The following PRICKLE4 variants were observed in gnomAD, a reference collection of about 807,000 sequenced individuals.
PRICKLE4 encodes prickle planar cell polarity protein 4.
A neutral mutation model predicts 43.5 loss-of-function variants in PRICKLE4; 40 were observed. The ratio of observed to expected loss-of-function variants is 0.92; its 90% CI spans 0.71 to 1.20. PRICKLE4 has a LOEUF of 1.20. Ranked by LOEUF, PRICKLE4 falls within the 50% of genes most tolerant of loss-of-function variation. PRICKLE4 has a pLI of 0.00. For missense variants in PRICKLE4, 527 were observed against 491.2 expected (o/e 1.07, Z -0.69); for synonymous variants, 208 against 197.4 (o/e 1.05, Z -0.45).
rs865927966 is a variant in PRICKLE4, at chr6:41,786,764, G to T, written c.790G>T (p.Glu264Ter). Residue 264 changes from glutamate (E) to a stop codon, truncating the protein, a stop_gained and splice_region_variant, in exon 8 of 8, where the codon GAG becomes TAG. Coordinates refer to ENST00000458694, the MANE Select transcript of PRICKLE4 (RefSeq NM_013397.6). LOFTEE classifies it high-confidence loss of function. ...GTTTCCGACCCGGCCCGGAACAGGG[G>T]AGACTGGACTCGACCGAACTGAAGG... ...GALEGQAFLG[E>*]TGLDRTEGRD... 2 of 1,613,104 alleles carry T rather than the reference G, an allele frequency of 1.2e-6. No homozygotes were observed. The highest frequency in any genetic ancestry group is 8.5e-7 in the Non-Finnish European group (1 of 1,179,876).
intron 6 of PRICKLE4, among the ~76,000 whole-genome samples, chr6:41,785,867 C>T (rs760885071): frequency 3.3e-5 from 5 of 152,154 alleles, no homozygotes; most frequent in Non-Finnish European, 7.4e-5. Context: ...TAGAAATTCC[C>T]TTGATGTCAG....
At chr6:41,786,105 C>G in intron 6 of PRICKLE4, 23 bp from the exon 7 acceptor site, 1 of 1,599,396 alleles carries the variant, frequency 6.3e-7, no homozygotes, top group Non-Finnish European at 8.6e-7. Context: ...TGAAACGTTC[C>G]CCTCTCCCTC....
chr6:41,785,237 G>A, intron 5 of PRICKLE4, 100 bp from the exon 6 acceptor site: 1 of 1,507,314 alleles, frequency 6.6e-7, no homozygotes, highest in South Asian at 1.2e-5. Flanking sequence ...GGGCTTGCTA[G>A]GGTATGGCGA....
At chr6:41,786,735 C>G in intron 7 of PRICKLE4, 27 bp from the exon 8 acceptor site, 1 of 1,612,576 alleles carries the variant, frequency 6.2e-7, no homozygotes, top group Middle Eastern at 1.6e-4. Context: ...GCTCTGAGAC[C>G]AGCGTTTCCG....
intron 6 of PRICKLE4, 88 bp from the exon 7 acceptor site, chr6:41,786,040 C>A: frequency 7.3e-7 from 1 of 1,379,098 alleles, no homozygotes; most frequent in Non-Finnish European, 1.0e-6. Flanking sequence ...CGTGCTTTAG[C>A]GTTAACTGGG....
intron 6 of PRICKLE4, 28 bp from the exon 7 acceptor site, chr6:41,786,100 C>G: frequency 6.3e-7 from 1 of 1,594,370 alleles, no homozygotes; most frequent in Non-Finnish European, 8.6e-7. Context: ...ATGAATGAAA[C>G]GTTCCCCTCT....
At position 41,786,222 on chromosome 6, in the gene PRICKLE4, G is replaced by T. The variant is rs1367378531; in HGVS notation, c.677G>T (p.Gly226Val). 1.2e-6 allele frequency: 2 copies of T among 1,607,016 alleles called. No homozygotes were observed. The highest frequency in any genetic ancestry group is 1.3e-5 in the African/African-American group (1 of 74,834). Residue 226 changes from glycine (G) to valine (V), a missense_variant, in exon 7 of 8, where the codon GGA becomes GTA. Physicochemically the swap from Gly to Val is moderately radical, Grantham distance 109. Transcript: ENST00000458694. ...GACTGCGCCGGGCCTCTGGGCGGGG[G>T]ACGTTATGCCCTGCCTGGGGGAAGC... ...CQDCAGPLGG[G>V]RYALPGGSPC...
intron 5 of PRICKLE4, 67 bp downstream of exon 5, chr6:41,785,139 G>A: frequency 1.3e-6 from 2 of 1,592,368 alleles, no homozygotes; most frequent in Non-Finnish European, 1.7e-6. Context: ...CTGCAGAAGG[G>A]GCTGGGCTAG....
intron 5 of PRICKLE4, 106 bp from the exon 6 acceptor site, chr6:41,785,231 T>C (rs1443723436): frequency 6.6e-7 from 1 of 1,505,188 alleles, no homozygotes; most frequent in Non-Finnish European, 9.1e-7. Flanking sequence ...GGATGTGGGC[T>C]TGCTAGGGTA....
rs1297473460 is a variant in PRICKLE4, at chr6:41,784,171, C to T, written c.173C>T (p.Thr58Ile). The change falls in exon 4 of 8, where the codon ACC becomes ATC. Residue 58 changes from threonine to isoleucine, a missense_variant. By Grantham distance (89) the Thr-to-Ile change is moderately conservative (BLOSUM62 -1). Coordinates refer to ENST00000458694, the MANE Select transcript of PRICKLE4 (RefSeq NM_013397.6). Reference protein sequence around the residue: ...VLSLGSLCLDTNQAPNWTGLQ... With the variant: ...VLSLGSLCLDINQAPNWTGLQ... ...AGCTTGGGTTCCCTTTGCCTGGACA[C>T]CAACCAAGCCCCCAACTGGACTGGA... 6.8e-6 allele frequency: 11 copies of T among 1,614,186 alleles called. No homozygotes were observed. Among genetic ancestry groups the T allele is most frequent in the Non-Finnish European group, 9.3e-6 (11 of 1,180,022 alleles).
rs1009699296 is a variant in PRICKLE4 at position 41,787,084 on chromosome 6, A to G, written c.1110A>G (p.Gln370=). ...CCTGGAAGACCCCCGGAAGCCTCCA[A>G]GCAGAGGACAGCAACGCCTCTAAGA... ...PQSWKTPGSL[Q]AEDSNASKTH... The change falls in exon 8 of 8, where the codon CAA becomes CAG. Residue 370 remains glutamine, a synonymous_variant. Coordinates refer to ENST00000458694, the MANE Select transcript of PRICKLE4 (RefSeq NM_013397.6). 3.7e-6 allele frequency: 6 copies of G among 1,611,696 alleles called. No homozygotes were observed. The highest frequency in any genetic ancestry group is 2.2e-5 in the South Asian group (2 of 91,064).
At position 41,784,362 on chromosome 6, in the gene PRICKLE4, T is replaced by G. The variant is rs746959355; in HGVS notation, c.240+124T>G. ...ATTTAATGCCCAGCTATGGCACTGG[T>G]TGGGGCGTCATTCTCCCCCTGCCTG... On this transcript the variant is annotated intron_variant, in intron 4 of 7. Coordinates refer to ENST00000458694, the MANE Select transcript of PRICKLE4 (RefSeq NM_013397.6). 238 of 761,954 alleles carry G rather than the reference T, an allele frequency of 3.1e-4. 1 individual carries two copies. Among genetic ancestry groups the G allele is most frequent in the Admixed American group, 6.8e-5 (2 of 29,574 alleles). 47.2% of individuals were successfully genotyped at this position (761,954 alleles called of 1,614,324 possible).
chr6:41,785,302 T>C (rs754956757), intron 5 of PRICKLE4, 35 bp from the exon 6 acceptor site: 65 of 1,604,918 alleles, frequency 4.1e-5, no homozygotes, highest in Non-Finnish European at 5.5e-5. Flanking sequence ...ATGGTAGTGC[T>C]TACTCCGACC....
intron 7 of PRICKLE4, 82 bp downstream of exon 7, chr6:41,786,414 G>A (rs1039145603): frequency 3.5e-6 from 5 of 1,437,736 alleles, no homozygotes; most frequent in Admixed American, 2.1e-5. Flanking sequence ...CCCTCGCCCC[G>A]GTCCCACGCC....
intron 6 of PRICKLE4, 75 bp from the exon 7 acceptor site, chr6:41,786,053 A>G: frequency 6.7e-7 from 1 of 1,482,582 alleles, no homozygotes; most frequent in Non-Finnish European, 9.3e-7. Context: ...TAACTGGGTA[A>G]AAGGCGTGGT....
intron 6 of PRICKLE4, 40 bp from the exon 7 acceptor site, chr6:41,786,088 G>T (rs769556830): frequency 6.4e-7 from 1 of 1,572,706 alleles, no homozygotes; most frequent in Non-Finnish European, 8.7e-7. Flanking sequence ...ATGAGGGAAT[G>T]AATGAATGAA....
chr6:41,783,402 C>G, intron 2 of PRICKLE4, 60 bp from the exon 3 acceptor site: 2 of 1,408,664 alleles, frequency 1.4e-6, no homozygotes, highest in Non-Finnish European at 1.9e-6. Context: ...AAGCACTTAA[C>G]ACTTCCTAGC....
At chr6:41,783,990 T>C (rs936766774) in intron 3 of PRICKLE4, 141 bp from the exon 4 acceptor site, 1 of 687,350 alleles carries the variant, frequency 1.5e-6, no homozygotes, top group African/African-American at 1.8e-5. Context: ...AGTGAGGATC[T>C]GCAAGGAGGA....
At chr6:41,786,511 G>A (rs772406967) in intron 7 of PRICKLE4, 179 bp downstream of exon 7, 43 of 1,031,904 alleles carry the variant, frequency 4.2e-5, no homozygotes, top group South Asian at 1.4e-5. Flanking sequence ...CCTGGCCGGA[G>A]CGTTCCAAGG....
Sources: allele counts gnomAD v4.1 joint callset (sites outside exome capture counted in the v4.1 genomes callset), GRCh38; gene constraint gnomAD v4.1.1; transcripts MANE v1.5; gene names NCBI Gene and HGNC (gene_info 2026-07-23, HGNC 2026-07-21).